CORO1C: variants seen among roughly 807,000 people sequenced by gnomAD.
CORO1C encodes the protein coronin 1C, also known as coronin-1C.
A neutral mutation model predicts 51.2 loss-of-function variants in CORO1C; 14 were observed. That is an observed-to-expected ratio of 0.27 (90% CI 0.18 to 0.43). CORO1C has a LOEUF of 0.43. Ranked by LOEUF, CORO1C falls within the 20% of genes least tolerant of loss-of-function variation. CORO1C has a pLI of 1.00. For missense variants in CORO1C, 417 were observed against 607.8 expected, an observed-to-expected ratio of 0.69 and a Z score of 3.30; for synonymous variants, 181 against 210.5, an observed-to-expected ratio of 0.86 and a Z score of 1.21.
intron 2 of CORO1C, among the ~76,000 whole-genome samples, chr12:108,685,112 T>C (rs1369670315): frequency 6.6e-6 from 1 of 152,246 alleles, no homozygotes; most frequent in Non-Finnish European, 1.5e-5. Context: ...CTAGCACTAG[T>C]TGTTCTTAAT....
chr12:108,648,350 T>G (rs2032471576), intron 10 of CORO1C, among the ~76,000 whole-genome samples: 1 of 152,030 alleles, frequency 6.6e-6, no homozygotes, highest in Non-Finnish European at 1.5e-5. Context: ...CTGATACCTA[T>G]CCCAATCATG....
At chr12:108,714,322 G>A (rs183795127) in intron 1 of CORO1C, among the ~76,000 whole-genome samples, 18 of 147,168 alleles carry the variant, frequency 1.2e-4, no homozygotes, top group African/African-American at 3.8e-4. Context: ...CCGGGAGGCA[G>A]ATGTTGCAGT....
intron 1 of CORO1C, among the ~76,000 whole-genome samples, chr12:108,725,357 G>A (rs2035562540): frequency 6.6e-6 from 1 of 152,244 alleles, no homozygotes; most frequent in Non-Finnish European, 1.5e-5. Context: ...ATTTAAGAGA[G>A]AAGAGAGGGA....
chr12:108,656,293 G>A (rs1487083896), intron 6 of CORO1C, among the ~76,000 whole-genome samples: 1 of 143,336 alleles, frequency 7.0e-6, no homozygotes, highest in Non-Finnish European at 1.5e-5. Context: ...GGAGGTGGGG[G>A]CTCAGCCCCC....
intron 3 of CORO1C, among the ~76,000 whole-genome samples, chr12:108,666,407 C>T (rs369635002): frequency 4.0e-4 from 61 of 152,192 alleles, no homozygotes; most frequent in African/African-American, 1.4e-3. Flanking sequence ...GTGTTCTCTA[C>T]GGTGGACTGT....
chr12:108,720,733 C>T (rs1452608028), intron 1 of CORO1C, among the ~76,000 whole-genome samples: 2 of 152,122 alleles, frequency 1.3e-5, no homozygotes, highest in African/African-American at 4.8e-5. Flanking sequence ...CCATGTTAGC[C>T]AGGATGGTCT....
intron 1 of CORO1C, among the ~76,000 whole-genome samples, chr12:108,723,816 T>C (rs1431473248): frequency 6.6e-6 from 1 of 152,234 alleles, no homozygotes; most frequent in Non-Finnish European, 1.5e-5. Flanking sequence ...CTAAACTTGG[T>C]GTTTTCAAAT....
At chr12:108,711,460 G>A (rs989140577) in intron 1 of CORO1C, among the ~76,000 whole-genome samples, 6 of 151,782 alleles carry the variant, frequency 4.0e-5, no homozygotes, top group South Asian at 2.1e-4. Flanking sequence ...CAAGTGGATC[G>A]CCTGAGGTCA....
At chr12:108,693,082 G>C (rs985171038) in intron 2 of CORO1C, among the ~76,000 whole-genome samples, 1 of 152,036 alleles carries the variant, frequency 6.6e-6, no homozygotes, top group Non-Finnish European at 1.5e-5. Context: ...ACAAGCTTGA[G>C]CCACCGCGCC....
At chr12:108,661,170 C>T (rs1197739660) in intron 4 of CORO1C, among the ~76,000 whole-genome samples, 3 of 152,180 alleles carry the variant, frequency 2.0e-5, no homozygotes, top group African/African-American at 7.2e-5. Flanking sequence ...ATTTCCATCA[C>T]CCCACAAAGT....
chr12:108,687,615 T>C (rs934153140), intron 2 of CORO1C, among the ~76,000 whole-genome samples: 2 of 151,822 alleles, frequency 1.3e-5, no homozygotes, highest in African/African-American at 2.4e-5. Flanking sequence ...TGAAACTCCA[T>C]CTTTACGAAA....
chr12:108,673,383 T>C (rs1235108529), intron 3 of CORO1C, among the ~76,000 whole-genome samples: 1 of 152,278 alleles, frequency 6.6e-6, no homozygotes, highest in East Asian at 1.9e-4. Flanking sequence ...AGAAGAAAAG[T>C]TGGAAACTAG....
At chr12:108,703,834 T>C (rs965832620) in intron 1 of CORO1C, among the ~76,000 whole-genome samples, 4 of 152,178 alleles carry the variant, frequency 2.6e-5, no homozygotes, top group African/African-American at 7.2e-5. Flanking sequence ...CCTGGTTCTA[T>C]ACAGTGGGGC....
rs370800906 is a variant in CORO1C at position 108,729,600 on chromosome 12, C to A, written c.-6+1829G>T. On this transcript the variant is annotated intron_variant, in intron 1 of 10. Coordinates refer to ENST00000261401, the MANE Select transcript of CORO1C (RefSeq NM_014325.4). ...TACAACACAATTCTCAGTTTTATTTCACTTTTTTCCCTACTTATTTATGCG... is the reference window on the plus strand; with the variant it reads ...TACAACACAATTCTCAGTTTTATTTAACTTTTTTCCCTACTTATTTATGCG... 5.3e-5 allele frequency among the ~76,000 whole-genome samples: 8 copies of A among 152,314 alleles called. No individual in the cohort carries two copies. In the East Asian group the frequency reaches 1.5e-3, roughly 29 times the overall value.
chr12:108,695,144 C>A (rs1243319025), intron 2 of CORO1C, among the ~76,000 whole-genome samples: 1 of 152,208 alleles, frequency 6.6e-6, no homozygotes, highest in Non-Finnish European at 1.5e-5. Context: ...GATGGCTCAT[C>A]ACATGGCTGG....
chr12:108,696,858 T>C (rs1356329326), intron 2 of CORO1C, among the ~76,000 whole-genome samples: 1 of 152,240 alleles, frequency 6.6e-6, no homozygotes, highest in Admixed American at 6.5e-5. Context: ...GGACTTTCTA[T>C]ATTCCTCCGG....
Position 108,648,823 on chromosome 12 carries a change from G to T in CORO1C, c.1087C>A (p.Pro363Thr). Reference sequence around the variant, plus strand: ...GCGGCCTCTGGCCCCGCTGTGTCAGGATACAGGTCATCTTGGAAAAGGTCA... The same window carrying T: ...GCGGCCTCTGGCCCCGCTGTGTCAGTATACAGGTCATCTTGGAAAAGGTCA... ...KSDLFQDDLYPDTAGPEAALE... is the reference protein window; with the variant it reads ...KSDLFQDDLYTDTAGPEAALE... The change falls in exon 10 of 11, where the codon CCT becomes ACT. Residue 363 changes from proline (P) to threonine (T), a missense_variant. Transcript: ENST00000261401. 1 of 1,614,216 alleles carries T rather than the reference G, an allele frequency of 6.2e-7. No individual in the cohort carries two copies. Among genetic ancestry groups the T allele is most frequent in the Non-Finnish European group, 8.5e-7 (1 of 1,180,032 alleles).
At chr12:108,695,649 T>TATC (rs1369523915) in intron 2 of CORO1C, among the ~76,000 whole-genome samples, 2 of 152,020 alleles carry the variant, frequency 1.3e-5, no homozygotes, top group Non-Finnish European at 2.9e-5. Flanking sequence ...GACCACCAAG[T>TATC]ATCATCATTA....
intron 3 of CORO1C, among the ~76,000 whole-genome samples, chr12:108,664,590 G>A (rs2052251572): frequency 1.3e-5 from 2 of 152,168 alleles, no homozygotes; most frequent in African/African-American, 4.8e-5. Flanking sequence ...TTTAAGCAAG[G>A]CAGGTGTGAA....
Sources: allele counts gnomAD v4.1 joint callset (sites outside exome capture counted in the v4.1 genomes callset), GRCh38; gene constraint gnomAD v4.1.1; transcripts MANE v1.5; gene names NCBI Gene and HGNC (gene_info 2026-07-23, HGNC 2026-07-21).